MTSS1: variants seen among roughly 807,000 people sequenced by gnomAD.
MTSS1 encodes the protein MTSS I-BAR domain containing 1.
MTSS1 carries 18 observed loss-of-function variants against 79.0 expected under a neutral mutation model. That is an observed-to-expected ratio of 0.23 (90% CI 0.16 to 0.34). The LOEUF (loss-of-function observed/expected upper bound fraction) is 0.34, where lower values mean the gene tolerates loss of function less well. Among genes scored for constraint, MTSS1 ranks in the 10% least tolerant of loss-of-function variants. MTSS1 has a pLI of 1.00. For synonymous variants in MTSS1, 341 were observed against 368.6 expected (o/e 0.93, Z 0.86); for missense variants, 815 against 986.2 (o/e 0.83, Z 2.33).
At chr8:124,645,728 C>G (rs146044643) in intron 3 of MTSS1, among the ~76,000 whole-genome samples, 22 of 152,168 alleles carry the variant, frequency 1.4e-4, no homozygotes, top group African/African-American at 5.3e-4. Context: ...CTTTATCATG[C>G]GTATCCAGAA....
intron 5 of MTSS1, among the ~76,000 whole-genome samples, chr8:124,589,287 TC>T (rs946695900): frequency 3.3e-5 from 5 of 152,184 alleles, no homozygotes; most frequent in African/African-American, 1.2e-4. Flanking sequence ...CGCCTCGGCC[TC>T]CCAAAGTGCC....
chr8:124,564,691 TCACACACACACA>T (rs56708127), intron 9 of MTSS1: 1 of 144,306 alleles, frequency 6.9e-6, no homozygotes, highest in Non-Finnish European at 1.5e-5. Context: ...TCTCTTTCAC[TCACACACACACA>T]CACACACACA....
Position 124,683,044 on chromosome 8 carries a change from C to T in MTSS1, c.208+16482G>A, listed in dbSNP as rs1826382248. 2.6e-5 allele frequency among the ~76,000 whole-genome samples: 4 copies of T among 152,180 alleles called. No homozygotes were observed. The South Asian group carries it at 8.3e-4, about 32-fold the overall frequency. Reference sequence around the variant, plus strand: ...TTTTCAGACCATCTTGGTTCCTCTCCTGATGTTTCCTAAAGTAGTGAAATG... The same window carrying T: ...TTTTCAGACCATCTTGGTTCCTCTCTTGATGTTTCCTAAAGTAGTGAAATG... On this transcript the variant is annotated intron_variant, in intron 3 of 13. Transcript: ENST00000518547. This position sits in a 1 kb window ranked among gnomAD's most constrained non-coding sequence, Gnocchi z 4.5.
intron 1 of MTSS1, among the ~76,000 whole-genome samples, chr8:124,720,783 A>C (rs1832795494): frequency 6.6e-6 from 1 of 152,216 alleles, no homozygotes; most frequent in Middle Eastern, 3.2e-3. Context: ...AAAATACCTC[A>C]TTCCCAAATC....
chr8:124,603,384 C>A (rs1000414406), intron 3 of MTSS1, among the ~76,000 whole-genome samples: 5 of 152,232 alleles, frequency 3.3e-5, no homozygotes, highest in Admixed American at 2.0e-4. Context: ...AGGACTTCCA[C>A]GCTTGCTGCT....
intron 3 of MTSS1, among the ~76,000 whole-genome samples, chr8:124,642,794 T>C (rs903584329): frequency 1.6e-4 from 24 of 152,254 alleles, no homozygotes; most frequent in African/African-American, 5.8e-4. Context: ...GGTTTAGTCA[T>C]ATTGGTCAGT....
chr8:124,681,163 G>A (rs1002406121), intron 3 of MTSS1, among the ~76,000 whole-genome samples: 6 of 150,040 alleles, frequency 4.0e-5, no homozygotes, highest in Non-Finnish European at 7.4e-5. Context: ...TTAGACAAAT[G>A]TGTCTATGGA....
intron 3 of MTSS1, among the ~76,000 whole-genome samples, chr8:124,686,341 A>C (rs1826985170): frequency 6.6e-6 from 1 of 152,234 alleles, no homozygotes; most frequent in South Asian, 2.1e-4. Context: ...AACAAAAAAA[A>C]AAACTTGCAT....
intron 3 of MTSS1, among the ~76,000 whole-genome samples, chr8:124,609,787 C>A (rs1835476472): frequency 6.6e-6 from 1 of 152,152 alleles, no homozygotes; most frequent in South Asian, 2.1e-4. Flanking sequence ...AATAAAGACT[C>A]AATTGATGTT....
intron 3 of MTSS1, among the ~76,000 whole-genome samples, chr8:124,638,605 T>G (rs924226639): frequency 2.0e-5 from 3 of 152,220 alleles, no homozygotes; most frequent in African/African-American, 7.2e-5. Context: ...TCTCCCCACA[T>G]TCTTGGAGCT....
At chr8:124,634,111 A>AT (rs757857502) in intron 3 of MTSS1, among the ~76,000 whole-genome samples, 4,732 of 143,564 alleles carry the variant, frequency 0.033, 172 homozygotes, top group African/African-American at 0.093. Context: ...TTTATTTTTA[A>AT]TTTTTTTTTT....
At chr8:124,598,546 G>A (rs997217126) in intron 3 of MTSS1, among the ~76,000 whole-genome samples, 4 of 152,188 alleles carry the variant, frequency 2.6e-5, no homozygotes, top group Non-Finnish European at 5.9e-5. Flanking sequence ...CACTGCACCA[G>A]TGGCCTCCCC....
chr8:124,706,905 C>T (rs1362534259), intron 1 of MTSS1, among the ~76,000 whole-genome samples: 1 of 152,122 alleles, frequency 6.6e-6, no homozygotes, highest in East Asian at 1.9e-4. Flanking sequence ...ACACCTACAT[C>T]CAATTAAAGA....
At chr8:124,721,524 CT>C (rs1293479088) in intron 1 of MTSS1, among the ~76,000 whole-genome samples, 1 of 151,302 alleles carries the variant, frequency 6.6e-6, no homozygotes, top group African/African-American at 2.4e-5. Flanking sequence ...ATTCTCCTGC[CT>C]CAGCCTACTG....
intron 3 of MTSS1, among the ~76,000 whole-genome samples, chr8:124,636,948 C>T (rs1055042005): frequency 9.2e-5 from 14 of 152,174 alleles, no homozygotes; most frequent in African/African-American, 3.4e-4. Flanking sequence ...TCAGAAGTGT[C>T]CAGCTCTGAA....
chr8:124,679,378 G>A (rs1447022560), intron 3 of MTSS1, among the ~76,000 whole-genome samples: 1 of 152,188 alleles, frequency 6.6e-6, no homozygotes, highest in East Asian at 1.9e-4. Flanking sequence ...TCTAATTCTG[G>A]CTATACTTAG....
chr8:124,581,367 T>C (rs76037422), intron 6 of MTSS1, among the ~76,000 whole-genome samples: 19,239 of 151,372 alleles, frequency 0.13, 1,343 homozygotes, highest in African/African-American at 0.15. Context: ...CCATAATAAG[T>C]ACCTAATGAA....
intron 3 of MTSS1, among the ~76,000 whole-genome samples, chr8:124,649,150 A>G (rs943101290): frequency 3.3e-5 from 5 of 152,256 alleles, no homozygotes; most frequent in African/African-American, 1.2e-4. Context: ...CTGTTTCTGT[A>G]AGTAAAGTTT....
intron 1 of MTSS1, among the ~76,000 whole-genome samples, chr8:124,724,105 C>G (rs1258552281): frequency 6.6e-6 from 1 of 152,088 alleles, no homozygotes; most frequent in Non-Finnish European, 1.5e-5. Context: ...AAGTGTATCT[C>G]TCTTCTGATG....
Sources: gnomAD v4.1 joint callset for allele counts (sites outside exome capture counted in the v4.1 genomes callset) on GRCh38, gnomAD v4.1.1 for gene constraint, Gnocchi (gnomAD v3.1) non-coding constraint, MANE v1.5 for transcripts, NCBI Gene and HGNC (gene_info 2026-07-23, HGNC 2026-07-21) for gene names.